MEGF9: variants seen among roughly 807,000 people sequenced by gnomAD.
MEGF9 encodes multiple EGF like domains 9.
Under a neutral mutation model 46.8 loss-of-function variants are expected in MEGF9, and 6 were observed. The observed-to-expected ratio is 0.13, with a 90% CI of 0.07 to 0.25. The LOEUF (loss-of-function observed/expected upper bound fraction) is 0.25, where lower values mean the gene tolerates loss of function less well. MEGF9 is among the 10% of genes least tolerant of loss of function. MEGF9 has a pLI of 1.00. For missense variants in MEGF9, 683 were observed against 792.4 expected, an observed-to-expected ratio of 0.86 and a Z score of 1.66; for synonymous variants, 302 against 330.7, an observed-to-expected ratio of 0.91 and a Z score of 0.94.
intron 2 of MEGF9, among the ~76,000 whole-genome samples, chr9:120,639,118 T>G (rs2043591307): frequency 6.6e-6 from 1 of 152,254 alleles, no homozygotes; most frequent in Non-Finnish European, 1.5e-5. Context: ...TAAAGTCTCT[T>G]GACAAACAGA....
chr9:120,687,670 C>CTGTGTGTGTGTGTGTGTG (rs71385077), intron 1 of MEGF9, among the ~76,000 whole-genome samples: 11 of 142,060 alleles, frequency 7.7e-5, no homozygotes, highest in South Asian at 2.3e-4. Context: ...GAACACAACA[C>CTGTGTGTGTGTGTGTGTG]TGTGTGTGTG....
At chr9:120,638,448 C>T (rs1025976225) in intron 2 of MEGF9, among the ~76,000 whole-genome samples, 1 of 152,174 alleles carries the variant, frequency 6.6e-6, no homozygotes, top group African/African-American at 2.4e-5. Context: ...TAAATTGAAA[C>T]ATTACTGACA....
intron 2 of MEGF9, among the ~76,000 whole-genome samples, chr9:120,634,207 C>A (rs2043562636): frequency 1.3e-5 from 2 of 152,072 alleles, no homozygotes; most frequent in African/African-American, 2.4e-5. Context: ...AAATCTGCAA[C>A]TATTATTGTA....
chr9:120,615,299 ACACACACACACACATG>A (rs914768356), intron 3 of MEGF9, among the ~76,000 whole-genome samples: 3 of 144,568 alleles, frequency 2.1e-5, no homozygotes, highest in African/African-American at 7.6e-5. Flanking sequence ...ATGTGTGTGT[ACACACACACACACATG>A]CACACACACA....
In MEGF9 at chr9:120,605,048, T is replaced by C. The variant is rs140511263; in HGVS notation, c.*142A>G. 2.0e-4 allele frequency: 152 copies of C among 762,700 alleles called. No individual in the cohort carries two copies. In the East Asian group the frequency reaches 3.9e-3, roughly 20 times the overall value. The allele number at this position is 762,700 out of a possible 1,614,324, so 47.2% of individuals were successfully genotyped here. On this transcript the variant is annotated 3_prime_UTR_variant, in exon 6 of 6. Coordinates refer to ENST00000373930, the MANE Select transcript of MEGF9 (RefSeq NM_001080497.3). The surrounding 1 kb of genome is among the most constrained non-coding windows in gnomAD (Gnocchi z 4.0). ...AAGAGCAATAGATAGGCTAAGCGCA[T>C]TACAAATTTGTACCTGAAAATTTCA...
intron 1 of MEGF9, among the ~76,000 whole-genome samples, chr9:120,670,061 T>C (rs2043741815): frequency 6.6e-6 from 1 of 152,198 alleles, no homozygotes; most frequent in African/African-American, 2.4e-5. Flanking sequence ...AAATATTTAC[T>C]ATACAGGATC....
intron 1 of MEGF9, among the ~76,000 whole-genome samples, chr9:120,663,408 G>C (rs1221491630): frequency 6.6e-6 from 1 of 152,200 alleles, no homozygotes; most frequent in Admixed American, 6.5e-5. Flanking sequence ...ACCCTTCACA[G>C]GTCTAGACAT....
intron 1 of MEGF9, among the ~76,000 whole-genome samples, chr9:120,699,496 T>C (rs1424339116): frequency 4.0e-5 from 6 of 151,826 alleles, no homozygotes; most frequent in Non-Finnish European, 7.4e-5. Flanking sequence ...GATAGGAAGA[T>C]TGTTTGAAGC....
At chr9:120,682,426 G>A (rs75341116) in intron 1 of MEGF9, among the ~76,000 whole-genome samples, 2,390 of 152,212 alleles carry the variant, frequency 0.016, 57 homozygotes, top group African/African-American at 0.054. Flanking sequence ...GAGAAAAGTA[G>A]TACAAAGAGA....
At chr9:120,694,523 A>G (rs537096874) in intron 1 of MEGF9, among the ~76,000 whole-genome samples, 2 of 152,372 alleles carry the variant, frequency 1.3e-5, no homozygotes, top group Admixed American at 1.3e-4. Flanking sequence ...TTTCATAATT[A>G]TGGGCCTCCA....
At chr9:120,690,035 A>C (rs757692769) in intron 1 of MEGF9, 4 of 506,588 alleles carry the variant, frequency 7.9e-6, no homozygotes, top group Middle Eastern at 3.2e-4. Flanking sequence ...AATGTGGCAA[A>C]TGGGTCTGCC....
At chr9:120,708,523 G>A (rs946947438) in intron 1 of MEGF9, among the ~76,000 whole-genome samples, 3 of 152,154 alleles carry the variant, frequency 2.0e-5, no homozygotes, top group Non-Finnish European at 2.9e-5. Flanking sequence ...AATAATTAAG[G>A]TTCTTTGGGG....
chr9:120,611,410 A>G (rs892181820), intron 4 of MEGF9, among the ~76,000 whole-genome samples: 1 of 152,202 alleles, frequency 6.6e-6, no homozygotes, highest in African/African-American at 2.4e-5. Flanking sequence ...ATTATTTAGT[A>G]ACAAAAAGGA....
chr9:120,614,168 C>T (rs990853466), intron 3 of MEGF9, among the ~76,000 whole-genome samples: 1 of 152,072 alleles, frequency 6.6e-6, no homozygotes, highest in Admixed American at 6.6e-5. Flanking sequence ...GGATTACAGG[C>T]GCATGTCACC....
At chr9:120,643,897 T>C (rs2043615004) in intron 2 of MEGF9, among the ~76,000 whole-genome samples, 1 of 152,044 alleles carries the variant, frequency 6.6e-6, no homozygotes, top group African/African-American at 2.4e-5. Flanking sequence ...TAATCTGTTG[T>C]AGAGATGGGG....
chr9:120,668,517 G>C (rs1270422887), intron 1 of MEGF9, among the ~76,000 whole-genome samples: 1 of 152,150 alleles, frequency 6.6e-6, no homozygotes, highest in African/African-American at 2.4e-5. Flanking sequence ...ACATAACCCA[G>C]GTTTTGTAGA....
At chr9:120,630,523 C>A (rs1431470966) in intron 2 of MEGF9, among the ~76,000 whole-genome samples, 1 of 152,164 alleles carries the variant, frequency 6.6e-6, no homozygotes, top group East Asian at 1.9e-4. Context: ...TAGATATACA[C>A]CCAGTAGAGG....
intron 2 of MEGF9, among the ~76,000 whole-genome samples, chr9:120,622,978 A>G (rs2043506759): frequency 6.6e-6 from 1 of 152,250 alleles, no homozygotes; most frequent in African/African-American, 2.4e-5. Flanking sequence ...ATAATTTTAC[A>G]GAAAATTTAA....
At chr9:120,632,438 G>A (rs1172951201) in intron 2 of MEGF9, among the ~76,000 whole-genome samples, 3 of 147,492 alleles carry the variant, frequency 2.0e-5, no homozygotes, top group Non-Finnish European at 4.5e-5. Context: ...GATTTTTTAT[G>A]TTGATTTTGT....
Sources: allele counts gnomAD v4.1 joint callset (sites outside exome capture counted in the v4.1 genomes callset), GRCh38; gene constraint gnomAD v4.1.1; non-coding constraint Gnocchi (gnomAD v3.1); transcripts MANE v1.5; gene names NCBI Gene and HGNC (gene_info 2026-07-23, HGNC 2026-07-21).